The following SERINC5 variants were observed in gnomAD, a reference collection of about 807,000 sequenced individuals.
SERINC5 encodes serine incorporator 5, also known as chromosome 5 open reading frame 12.
A neutral mutation model predicts 63.1 loss-of-function variants in SERINC5; 41 were observed. The ratio of observed to expected loss-of-function variants is 0.65; its 90% CI spans 0.51 to 0.84. The LOEUF is 0.84. SERINC5 is among the 40% of genes least tolerant of loss of function. The pLI is 0.00. For missense variants in SERINC5, 523 were observed against 573.0 expected, an observed-to-expected ratio of 0.91 and a Z score of 0.89; for synonymous variants, 222 against 215.2, an observed-to-expected ratio of 1.03 and a Z score of -0.28.
At chr5:80,136,397 G>T (rs552290128), downstream of SERINC5, among the ~76,000 whole-genome samples, 2 of 152,298 alleles carry the variant, frequency 1.3e-5, no homozygotes, top group Non-Finnish European at 2.9e-5. Flanking sequence ...ACAAGCTCGG[G>T]GTTTCATATT....
At chr5:80,197,308 T>TGAGAGAGAGAGA (rs34195156) in intron 2 of SERINC5, among the ~76,000 whole-genome samples, 8 of 137,088 alleles carry the variant, frequency 5.8e-5, no homozygotes, top group South Asian at 2.5e-4. Context: ...ACTCCATCTG[T>TGAGAGAGAGAGA]GAGAGAGAGA....
At chr5:80,124,447 G>A (rs1211876767) in intron 11 of SERINC5, among the ~76,000 whole-genome samples, 1 of 152,168 alleles carries the variant, frequency 6.6e-6, no homozygotes, top group East Asian at 1.9e-4. Context: ...CCTCTCTATA[G>A]TAGGCTTTGT....
At chr5:80,205,205 A>G (rs1750091160) in intron 1 of SERINC5, among the ~76,000 whole-genome samples, 1 of 152,270 alleles carries the variant, frequency 6.6e-6, no homozygotes. Flanking sequence ...TTCAGACTCA[A>G]CTGTAAAAAC....
intron 8 of SERINC5, among the ~76,000 whole-genome samples, chr5:80,152,716 G>A (rs761838534): frequency 9.9e-5 from 15 of 151,818 alleles, no homozygotes; most frequent in Non-Finnish European, 2.2e-4. Context: ...CAAGGCGGGT[G>A]GATCCCTTGA....
intron 8 of SERINC5, among the ~76,000 whole-genome samples, chr5:80,155,176 A>G (rs1746438433): frequency 6.6e-6 from 1 of 152,228 alleles, no homozygotes; most frequent in Non-Finnish European, 1.5e-5. Flanking sequence ...CAAAATCCAG[A>G]GACCAAGGGA....
chr5:80,218,656 A>G (rs1750773914), intron 1 of SERINC5, among the ~76,000 whole-genome samples: 1 of 151,118 alleles, frequency 6.6e-6, no homozygotes, highest in Admixed American at 6.6e-5. Flanking sequence ...GCCTGGTGAC[A>G]GAGCAAGACT....
At chr5:80,202,206 C>G (rs777030025) in intron 2 of SERINC5, among the ~76,000 whole-genome samples, 21 of 151,920 alleles carry the variant, frequency 1.4e-4, no homozygotes, top group Non-Finnish European at 2.2e-4. Context: ...CCATTGCACT[C>G]TAGCCTGGGT....
At chr5:80,226,210 T>C (rs1432031903) in intron 1 of SERINC5, among the ~76,000 whole-genome samples, 1 of 152,174 alleles carries the variant, frequency 6.6e-6, no homozygotes, top group Non-Finnish European at 1.5e-5. Flanking sequence ...GTGCACACTA[T>C]GATGCCTGGC....
Position 80,146,165 on chromosome 5 carries a change from T to C in SERINC5, c.1163A>G (p.Tyr388Cys). ...CACGAAGTGGAAGTAGGAGTAGATG[T>C]AGACGGTGCCTTTCTTCTCGTCATA... is the stretch of plus-strand genomic sequence containing the variant. ...VIYDEKKGTV[Y>C]IYSYFHFVFF... Residue 388 changes from tyrosine to cysteine, a missense_variant, in exon 11 of 12, where the codon TAC becomes TGC. Physicochemically the swap from Tyr to Cys is radical, Grantham distance 194. Coordinates refer to ENST00000507668, the MANE Select transcript of SERINC5 (RefSeq NM_001174072.3). The C allele has an allele frequency of 1.2e-6, 2 of 1,614,014 alleles. No individual in the cohort carries two copies. The highest frequency in any genetic ancestry group is 2.2e-5 in the East Asian group (1 of 44,888).
At chr5:80,171,867 T>C (rs1428643689) in intron 5 of SERINC5, among the ~76,000 whole-genome samples, 1 of 150,482 alleles carries the variant, frequency 6.6e-6, no homozygotes, top group Admixed American at 6.6e-5. Context: ...GGTGACAGAG[T>C]GAGACCCTGT....
At chr5:80,177,052 T>C (rs1338443651) in intron 4 of SERINC5, among the ~76,000 whole-genome samples, 1 of 152,166 alleles carries the variant, frequency 6.6e-6, no homozygotes, top group African/African-American at 2.4e-5. Context: ...TGTGCAGTGC[T>C]TGGAAAGAAC....
rs16877532 is a variant in SERINC5, at chr5:80,131,453, C to G, written c.1238+14637G>C. ...GCGTGAGAACAGACTGATACAGTGACAGAATGGGCCAAGTGCTATCCAAGG... is the reference window on the plus strand; with the variant it reads ...GCGTGAGAACAGACTGATACAGTGAGAGAATGGGCCAAGTGCTATCCAAGG... On this transcript the variant is annotated intron_variant, in intron 11 of 12. Transcript: ENST00000509193. Among the ~76,000 whole-genome samples the G allele has an allele frequency of 3.5e-3, 529 of 152,242 alleles. 3 individuals carry two copies. The highest frequency in any genetic ancestry group is 0.01 in the Middle Eastern group (3 of 294).
At chr5:80,119,488 C>T (rs1414510021) in intron 11 of SERINC5, among the ~76,000 whole-genome samples, 1 of 152,238 alleles carries the variant, frequency 6.6e-6, no homozygotes, top group East Asian at 1.9e-4. Context: ...CAGCAGAGAA[C>T]AGGGCCACCA....
rs928800446 is a variant in SERINC5 at position 80,143,505 on chromosome 5, A to C, written c.*158T>G. 8 of 1,355,788 alleles carry C rather than the reference A, an allele frequency of 5.9e-6. No individual in the cohort carries two copies. Among genetic ancestry groups the C allele is most frequent in the Non-Finnish European group, 7.6e-6 (8 of 1,057,208 alleles). 84.0% of individuals were successfully genotyped at this position (1,355,788 alleles called of 1,614,324 possible). On this transcript the variant is annotated 3_prime_UTR_variant, in exon 12 of 12. Coordinates refer to ENST00000507668, the MANE Select transcript of SERINC5 (RefSeq NM_001174072.3). ...ACTGGTAGTTTCTTTTTGAATTTCA[A>C]AAGTAAAAAGCTAATCAGGAGATTT...
intron 1 of SERINC5, among the ~76,000 whole-genome samples, chr5:80,205,878 C>T (rs1166060217): frequency 6.6e-6 from 1 of 151,546 alleles, no homozygotes; most frequent in East Asian, 1.9e-4. Flanking sequence ...CCATGACCAT[C>T]CTGGCCAACA....
chr5:80,227,733 C>T (rs897087618), intron 1 of SERINC5, among the ~76,000 whole-genome samples: 2 of 152,024 alleles, frequency 1.3e-5, no homozygotes, highest in Admixed American at 1.3e-4. Flanking sequence ...CCTGCGGTCC[C>T]AGCTACTCAG....
Position 80,146,006 on chromosome 5 carries a change from T to C in SERINC5, c.1238+84A>G. ...GCCTGGGCAACAGAGTGAGACTCCTTCTCAAACAAACAAACACGAACAGTA... is the reference window on the plus strand; with the variant it reads ...GCCTGGGCAACAGAGTGAGACTCCTCCTCAAACAAACAAACACGAACAGTA... On this transcript the variant is annotated intron_variant, in intron 11 of 11. Coordinates refer to ENST00000507668, the MANE Select transcript of SERINC5 (RefSeq NM_001174072.3). 3 of 1,467,474 alleles carry C rather than the reference T, an allele frequency of 2.0e-6. No homozygotes were observed. The South Asian group carries it at 3.6e-5, about 18-fold the overall frequency. 90.9% of individuals were successfully genotyped at this position (1,467,474 alleles called of 1,614,324 possible).
downstream of SERINC5, among the ~76,000 whole-genome samples, chr5:80,137,642 C>CAAAAA (rs57807742): frequency 2.9e-5 from 3 of 104,776 alleles, no homozygotes; most frequent in African/African-American, 3.3e-5. Flanking sequence ...GACTCTAACT[C>CAAAAA]AAAAAAAAAA....
intron 2 of SERINC5, among the ~76,000 whole-genome samples, chr5:80,181,693 G>T (rs1299455462): frequency 6.6e-6 from 1 of 152,036 alleles, no homozygotes; most frequent in Admixed American, 6.6e-5. Flanking sequence ...ACAGAGACAA[G>T]ATGTTTTGCT....
Sources: gnomAD v4.1 joint callset for allele counts (sites outside exome capture counted in the v4.1 genomes callset) on GRCh38, gnomAD v4.1.1 for gene constraint, MANE v1.5 for transcripts, NCBI Gene and HGNC (gene_info 2026-07-23, HGNC 2026-07-21) for gene names.